Variants in CLSTN2 observed in about 807,000 individuals in gnomAD.
The protein encoded by CLSTN2 is calsyntenin-2.
In CLSTN2, 48 loss-of-function variants were observed where a neutral mutation model predicts 101.2. The ratio of observed to expected loss-of-function variants is 0.47; its 90% confidence interval spans 0.38 to 0.60. CLSTN2 has a LOEUF of 0.60. CLSTN2 is among the 20% of genes least tolerant of loss of function. CLSTN2 has a pLI of 0.00. For synonymous variants in CLSTN2, 481 were observed against 463.6 expected (o/e 1.04, Z -0.48); for missense variants, 1,160 against 1,238.2 (o/e 0.94, Z 0.95).
intron 2 of CLSTN2, among the ~76,000 whole-genome samples, chr3:140,266,184 C>T (rs371447608): frequency 1.3e-5 from 2 of 152,246 alleles, no homozygotes; most frequent in Admixed American, 1.3e-4. Flanking sequence ...CTGTGATTAC[C>T]CTGATGGCTG....
At chr3:140,137,791 G>C (rs1226368986) in intron 1 of CLSTN2, among the ~76,000 whole-genome samples, 1 of 152,216 alleles carries the variant, frequency 6.6e-6, no homozygotes, top group African/African-American at 2.4e-5. Context: ...AGCAGAGACT[G>C]CTTCCCTATT....
intron 1 of CLSTN2, among the ~76,000 whole-genome samples, chr3:140,071,236 A>G (rs2008387018): frequency 6.6e-6 from 1 of 152,198 alleles, no homozygotes; most frequent in African/African-American, 2.4e-5. Context: ...AAAAAGGGAA[A>G]GACATTGCAA....
chr3:140,487,222 G>A (rs1482680887), intron 8 of CLSTN2, among the ~76,000 whole-genome samples: 1 of 152,230 alleles, frequency 6.6e-6, no homozygotes, highest in Non-Finnish European at 1.5e-5. Flanking sequence ...ATTATAGGTA[G>A]TATTCATGAG....
At chr3:139,981,811 C>G (rs1935928199) in intron 1 of CLSTN2, among the ~76,000 whole-genome samples, 3 of 152,222 alleles carry the variant, frequency 2.0e-5, no homozygotes, top group Admixed American at 6.5e-5. Context: ...GAGCCTCTAT[C>G]TCCTTTGGGT....
intron 2 of CLSTN2, among the ~76,000 whole-genome samples, chr3:140,283,020 G>A (rs985767776): frequency 2.6e-5 from 4 of 152,018 alleles, no homozygotes; most frequent in Admixed American, 2.0e-4. Flanking sequence ...GATATCCAGG[G>A]GCTGCTCATG....
intron 2 of CLSTN2, among the ~76,000 whole-genome samples, chr3:140,178,244 A>G (rs2010354557): frequency 6.6e-6 from 1 of 152,228 alleles, no homozygotes; most frequent in Non-Finnish European, 1.5e-5. Flanking sequence ...ATAGAAAAAA[A>G]AAATACCTCA....
chr3:140,137,258 A>C (rs1318584816), intron 1 of CLSTN2, among the ~76,000 whole-genome samples: 7 of 152,146 alleles, frequency 4.6e-5, no homozygotes, highest in Admixed American at 4.6e-4. Context: ...GGACTTTTGC[A>C]AATATCAAAT....
intron 2 of CLSTN2, among the ~76,000 whole-genome samples, chr3:140,378,709 A>G (rs2087946685): frequency 6.6e-6 from 1 of 152,214 alleles, no homozygotes; most frequent in Admixed American, 6.5e-5. Context: ...GCATGGGCAC[A>G]GGAATCAGAA....
At chr3:140,392,430 G>T (rs1413569750) in intron 2 of CLSTN2, among the ~76,000 whole-genome samples, 3 of 151,878 alleles carry the variant, frequency 2.0e-5, no homozygotes, top group African/African-American at 4.8e-5. Flanking sequence ...AGAAATATTT[G>T]ATCTATATTT....
chr3:140,367,853 A>G (rs1258811855), intron 2 of CLSTN2, among the ~76,000 whole-genome samples: 1 of 152,216 alleles, frequency 6.6e-6, no homozygotes, highest in African/African-American at 2.4e-5. Flanking sequence ...TGATTAAATT[A>G]GGGAAGCCCA....
chr3:140,265,363 C>T (rs762120898), intron 2 of CLSTN2, among the ~76,000 whole-genome samples: 5 of 152,098 alleles, frequency 3.3e-5, no homozygotes, highest in African/African-American at 4.8e-5. Flanking sequence ...CTGGAGGCTT[C>T]GACAGTAGTA....
At chr3:140,043,673 C>A (rs2007807701) in intron 1 of CLSTN2, among the ~76,000 whole-genome samples, 1 of 152,176 alleles carries the variant, frequency 6.6e-6, no homozygotes, top group Admixed American at 6.5e-5. Flanking sequence ...ACATTTAAGT[C>A]TTTAATCCAT....
intron 1 of CLSTN2, among the ~76,000 whole-genome samples, chr3:139,940,572 T>A (rs896248207): frequency 1.3e-5 from 2 of 152,166 alleles, no homozygotes; most frequent in Admixed American, 1.3e-4. Context: ...ATCCAATAGC[T>A]TTGTTCATAT....
Position 140,576,352 on chromosome 3 carries a change from C to T in CLSTN2, c.*10099C>T, listed in dbSNP as rs1985729780. The stretch of plus-strand genomic sequence containing the variant: ...TGTCTAAAGCTGTAGCTTGTCTCTA[C>T]TATTGTCTCTACACCGTTGCCCAAA... On this transcript the variant is annotated 3_prime_UTR_variant, in exon 17 of 17. Coordinates refer to ENST00000458420, the MANE Select transcript of CLSTN2 (RefSeq NM_022131.3). 1 of 152,194 alleles carries T rather than the reference C, an allele frequency of 6.6e-6. No homozygotes were observed. The highest frequency in any genetic ancestry group is 6.6e-5 in the Admixed American group (1 of 15,266). The allele number at this position is 152,194 out of a possible 1,614,324, so 9.4% of individuals were successfully genotyped here.
intron 2 of CLSTN2, among the ~76,000 whole-genome samples, chr3:140,308,860 C>T (rs974050882): frequency 1.3e-5 from 2 of 152,204 alleles, no homozygotes; most frequent in Non-Finnish European, 2.9e-5. Context: ...CTGCTGCCTC[C>T]CTAAGCGCAG....
At chr3:140,250,174 T>A (rs756089338) in intron 2 of CLSTN2, among the ~76,000 whole-genome samples, 5 of 152,196 alleles carry the variant, frequency 3.3e-5, no homozygotes, top group Non-Finnish European at 7.3e-5. Context: ...GCAACCAAAC[T>A]TTTTGCGCAG....
At chr3:140,333,682 CTGTGTGTG>C (rs10545391) in intron 2 of CLSTN2, among the ~76,000 whole-genome samples, 1,767 of 147,652 alleles carry the variant, frequency 0.012, 27 homozygotes, top group African/African-American at 0.039. Context: ...AGAGTGGAGA[CTGTGTGTG>C]TGTGTGTGTG....
At chr3:139,959,433 C>G (rs1165322105) in intron 1 of CLSTN2, among the ~76,000 whole-genome samples, 1 of 151,542 alleles carries the variant, frequency 6.6e-6, no homozygotes, top group African/African-American at 2.4e-5. Context: ...CCAGATTAAA[C>G]AGATATCGAG....
At chr3:140,040,535 A>G (rs1351772443) in intron 1 of CLSTN2, among the ~76,000 whole-genome samples, 1 of 151,892 alleles carries the variant, frequency 6.6e-6, no homozygotes, top group Non-Finnish European at 1.5e-5. Flanking sequence ...AAGGTCAGTG[A>G]CTAATGTCCC....
Sources: allele counts gnomAD v4.1 joint callset (sites outside exome capture counted in the v4.1 genomes callset), GRCh38; gene constraint gnomAD v4.1.1; transcripts MANE v1.5; gene names NCBI Gene and HGNC (gene_info 2026-07-23, HGNC 2026-07-21).